RGS17: variants seen among roughly 807,000 people sequenced by gnomAD.
RGS17 encodes regulator of G-protein signaling 17.
Under a neutral mutation model 25.5 loss-of-function variants are expected in RGS17, and 12 were observed. The ratio of observed to expected loss-of-function variants is 0.47; its 90% CI spans 0.30 to 0.76. RGS17 has a LOEUF of 0.76. Ranked by LOEUF, RGS17 falls within the 30% of genes least tolerant of loss-of-function variation. The pLI is 0.07. For synonymous variants in RGS17, 71 were observed against 76.9 expected (o/e 0.92, Z 0.40); for missense variants, 196 against 242.2 (o/e 0.81, Z 1.27).
At chr6:153,106,932 C>T (rs1777392617) in intron 1 of RGS17, among the ~76,000 whole-genome samples, 1 of 151,962 alleles carries the variant, frequency 6.6e-6, no homozygotes, top group Admixed American at 6.5e-5. Context: ...CCGTGCCTGG[C>T]TGTATGTATA....
At chr6:153,077,079 T>C (rs1776893143) in intron 1 of RGS17, among the ~76,000 whole-genome samples, 1 of 152,192 alleles carries the variant, frequency 6.6e-6, no homozygotes, top group Non-Finnish European at 1.5e-5. Flanking sequence ...TCATAACTGA[T>C]GCAACAGGAG....
intron 4 of RGS17, among the ~76,000 whole-genome samples, chr6:153,019,697 C>T (rs754342360): frequency 3.9e-5 from 6 of 152,138 alleles, no homozygotes; most frequent in Non-Finnish European, 8.8e-5. Context: ...CATCTTATGC[C>T]ATGATTATAA....
At chr6:153,104,653 A>G (rs1011619778) in intron 1 of RGS17, among the ~76,000 whole-genome samples, 1 of 152,196 alleles carries the variant, frequency 6.6e-6, no homozygotes, top group African/African-American at 2.4e-5. Context: ...ACAGTAGTGA[A>G]TAAAATACCT....
At chr6:153,067,278 C>T (rs989972245) in intron 1 of RGS17, among the ~76,000 whole-genome samples, 3 of 151,936 alleles carry the variant, frequency 2.0e-5, no homozygotes, top group Non-Finnish European at 4.4e-5. Flanking sequence ...TTTTAACCAC[C>T]ATAATTAAAC....
chr6:153,037,349 C>A (rs1349721516), intron 2 of RGS17, among the ~76,000 whole-genome samples: 1 of 152,080 alleles, frequency 6.6e-6, no homozygotes, highest in East Asian at 1.9e-4. Flanking sequence ...ATTGGCAAAT[C>A]CAAATCCATC....
At chr6:153,051,127 T>C (rs1776456708) in intron 1 of RGS17, among the ~76,000 whole-genome samples, 1 of 152,232 alleles carries the variant, frequency 6.6e-6, no homozygotes, top group African/African-American at 2.4e-5. Context: ...ATGTCTGTTA[T>C]TGATAAGCCA....
chr6:153,027,233 A>G (rs1239935206), intron 2 of RGS17, among the ~76,000 whole-genome samples: 5 of 152,172 alleles, frequency 3.3e-5, no homozygotes, highest in Non-Finnish European at 7.3e-5. Context: ...CTACAGCATC[A>G]TAGAGGACAG....
Position 153,072,383 on chromosome 6 carries a change from A to G in RGS17, c.-25-28340T>C, listed in dbSNP as rs370723701. ...TTGGGTAGAAATAGGTAATATAATT[A>G]AATAGAAATGGGATGCACGTAGCTC... On this transcript the variant is annotated intron_variant, in intron 1 of 4. Coordinates refer to ENST00000206262, the MANE Select transcript of RGS17 (RefSeq NM_012419.5). 9.3e-4 allele frequency among the ~76,000 whole-genome samples: 142 copies of G among 152,318 alleles called. 8 individuals are homozygous for G. The highest frequency in any genetic ancestry group is 2.2e-3 in the Admixed American group (34 of 15,282).
In RGS17 at chr6:153,009,415, A is replaced by T. The variant is rs1779108905; in HGVS notation, c.*2159T>A. 1 of 152,094 alleles carries T rather than the reference A, an allele frequency of 6.6e-6. No homozygotes were observed. Among genetic ancestry groups the T allele is most frequent in the African/African-American group, 2.4e-5 (1 of 41,446 alleles). The allele number at this position is 152,094 out of a possible 1,614,324, so 9.4% of individuals were successfully genotyped here. A position where few individuals can be genotyped will look rare whatever the true frequency, so the allele number is the denominator to read the frequency against. ...AGCATAATAAACTCAATTCTAAGCA[A>T]GAAAAAAATTAAATAATTTAGGAAC... On this transcript the variant is annotated 3_prime_UTR_variant, in exon 5 of 5. Transcript: ENST00000206262.
At chr6:153,043,500 A>AAC (rs1383619770) in intron 2 of RGS17, among the ~76,000 whole-genome samples, 3 of 152,072 alleles carry the variant, frequency 2.0e-5, no homozygotes, top group African/African-American at 4.8e-5. Flanking sequence ...AAAAAAAAAA[A>AAC]AACACATGCA....
In RGS17 at chr6:153,009,059, C is replaced by T. The variant is rs1779105692; in HGVS notation, c.*2515G>A. ...CTCATCAGGTTTCAAAAGGATATAC[C>T]AACTTTAAAATCTGTGTTCTACAAA... On this transcript the variant is annotated 3_prime_UTR_variant, in exon 5 of 5. Coordinates refer to ENST00000206262, the MANE Select transcript of RGS17 (RefSeq NM_012419.5). The T allele has an allele frequency of 6.6e-6, 1 of 151,960 alleles. No homozygotes were observed. The highest frequency in any genetic ancestry group is 2.4e-5 in the African/African-American group (1 of 41,364). The allele number at this position is 151,960 out of a possible 1,614,324, so 9.4% of individuals were successfully genotyped here. A position where few individuals can be genotyped will look rare whatever the true frequency, so the allele number is the denominator to read the frequency against.
intron 1 of RGS17, among the ~76,000 whole-genome samples, chr6:153,098,670 GGGTTTAATCAAT>G (rs1777253009): frequency 6.6e-6 from 1 of 152,132 alleles, no homozygotes; most frequent in Non-Finnish European, 1.5e-5. Context: ...AAAGTAAACA[GGGTTTAATCAAT>G]GTATCAGATG....
At chr6:153,087,686 T>C (rs985615684) in intron 1 of RGS17, among the ~76,000 whole-genome samples, 2 of 152,170 alleles carry the variant, frequency 1.3e-5, no homozygotes, top group Non-Finnish European at 2.9e-5. Flanking sequence ...CCACTGTATG[T>C]TGGGTGTGTA....
At position 153,119,474 on chromosome 6, in the gene RGS17, T is replaced by C. The variant is rs537066294; in HGVS notation, c.-26+11650A>G. 2.2e-3 allele frequency among the ~76,000 whole-genome samples: 333 copies of C among 152,292 alleles called. 2 individuals carry two copies. The highest frequency in any genetic ancestry group is 6.9e-3 in the African/African-American group (287 of 41,576). ...GGGAGGCTGAGGCGGGTGGATCGCC[T>C]GAGGTCGGAGTTTGAGACAAGCCTG... On this transcript the variant is annotated intron_variant, in intron 1 of 4. Transcript: ENST00000206262.
chr6:153,050,816 C>T (rs899034019), intron 1 of RGS17, among the ~76,000 whole-genome samples: 9 of 152,118 alleles, frequency 5.9e-5, no homozygotes, highest in Non-Finnish European at 1.2e-4. Context: ...ATGTTTATGT[C>T]CCCCTCAAAT....
intron 1 of RGS17, among the ~76,000 whole-genome samples, chr6:153,092,100 A>T (rs541115031): frequency 2.0e-5 from 3 of 152,324 alleles, no homozygotes; most frequent in South Asian, 2.1e-4. Flanking sequence ...GCCAATCATT[A>T]AAAAAATTCC....
chr6:153,073,405 A>T (rs1289352599), intron 1 of RGS17, among the ~76,000 whole-genome samples: 6 of 152,162 alleles, frequency 3.9e-5, no homozygotes, highest in Admixed American at 6.6e-5. Context: ...TGAAAATCTG[A>T]GGATACTCTA....
intron 2 of RGS17, among the ~76,000 whole-genome samples, chr6:153,029,914 C>A (rs1211839671): frequency 2.0e-5 from 3 of 152,110 alleles, no homozygotes; most frequent in African/African-American, 7.2e-5. Flanking sequence ...AGAGACACTC[C>A]CCCACTGACT....
intron 2 of RGS17, among the ~76,000 whole-genome samples, chr6:153,029,827 G>T (rs1195316264): frequency 6.6e-6 from 1 of 152,234 alleles, no homozygotes; most frequent in Middle Eastern, 3.4e-3. Flanking sequence ...CTGACCTTGT[G>T]ATCCACCCAC....
Sources: allele counts gnomAD v4.1 joint callset (sites outside exome capture counted in the v4.1 genomes callset), GRCh38; gene constraint gnomAD v4.1.1; transcripts MANE v1.5; gene names NCBI Gene and HGNC (gene_info 2026-07-23, HGNC 2026-07-21).